The following WDR19 variants were observed in gnomAD, a reference collection of about 807,000 sequenced individuals.
The protein encoded by WDR19 is WD repeat-containing protein 19.
Under a neutral mutation model 180.0 loss-of-function variants are expected in WDR19, and 121 were observed. The ratio of observed to expected loss-of-function variants is 0.67; its 90% CI spans 0.58 to 0.78. The LOEUF is 0.78. WDR19 is among the 30% of genes least tolerant of loss of function. The pLI is 0.00. For missense variants in WDR19, 1,450 were observed against 1,640.7 expected (o/e 0.88, Z 2.01); for synonymous variants, 497 against 540.7 (o/e 0.92, Z 1.12).
chr4:39,232,904 A>T (rs1238275042), intron 19 of WDR19, among the ~76,000 whole-genome samples: 1 of 152,168 alleles, frequency 6.6e-6, no homozygotes, highest in African/African-American at 2.4e-5. Flanking sequence ...CATTTTGTGG[A>T]GGTATAAAAT....
rs1406503331 is a variant in WDR19, at chr4:39,270,109, C to A, written c.3483+9C>A. 6.2e-7 allele frequency: 1 copy of A among 1,613,254 alleles called. No homozygotes were observed. Among genetic ancestry groups the A allele is most frequent in the Non-Finnish European group, 8.5e-7 (1 of 1,179,632 alleles). ...GCTATATACTAGTAAAGGTGAGGCC[C>A]ATGGAGTGACTTGGGACATAACCTG... On this transcript the variant is annotated intron_variant, in intron 31 of 36. Transcript: ENST00000399820.
intron 24 of WDR19, 108 bp from the exon 25 acceptor site, chr4:39,253,038 A>G (rs1015016120): frequency 1.8e-6 from 2 of 1,086,436 alleles, no homozygotes; most frequent in Non-Finnish European, 2.5e-6. Context: ...TTCAGGAAAA[A>G]TAAGCAGTCA....
intron 1 of WDR19, among the ~76,000 whole-genome samples, chr4:39,184,046 T>C (rs925566454): frequency 1.3e-5 from 2 of 152,190 alleles, no homozygotes; most frequent in African/African-American, 4.8e-5. Context: ...TCTATAAAAC[T>C]TTTATGTCCC....
At chr4:39,244,187 G>A (rs995346330) in intron 21 of WDR19, 61 bp from the exon 22 acceptor site, 1 of 1,577,462 alleles carries the variant, frequency 6.3e-7, no homozygotes, top group African/African-American at 1.3e-5. Context: ...TCATTGTTCT[G>A]TCTTAAACAC....
intron 9 of WDR19, among the ~76,000 whole-genome samples, chr4:39,210,507 ACC>A (rs1004278839): frequency 1.3e-5 from 2 of 151,996 alleles, no homozygotes; most frequent in African/African-American, 4.8e-5. Flanking sequence ...ATATAGCGAG[ACC>A]CCATCTCTAA....
Position 39,231,820 on chromosome 4 carries a change from G to C in WDR19, c.2006G>C (p.Cys669Ser). The change falls in exon 18 of 37, where the codon TGC becomes TCC. Residue 669 changes from cysteine (C) to serine (S), a missense_variant. Coordinates refer to ENST00000399820, the MANE Select transcript of WDR19 (RefSeq NM_025132.4). The stretch of plus-strand genomic sequence containing the variant: ...AGGTTTTCTGATGCTTGGGAAATGT[G>C]CAGGATTCTGAATGATGAGGCTGCC... ...LKRFSDAWEM[C>S]RILNDEAAWN... 7 of 1,595,280 alleles carry C rather than the reference G, an allele frequency of 4.4e-6. 1 individual carries two copies. The highest frequency in any genetic ancestry group is 6.0e-6 in the Non-Finnish European group (7 of 1,164,938).
Position 39,224,978 on chromosome 4 carries a change from A to T in WDR19, c.1574A>T (p.Asn525Ile). 6.3e-7 allele frequency: 1 copy of T among 1,577,384 alleles called. No homozygotes were observed. Among genetic ancestry groups the T allele is most frequent in the South Asian group, 1.2e-5 (1 of 85,014 alleles). ...VSVKKIFPDP[N>I]GTRLVFIDEK... ...GTGAAAAAGATTTTTCCCGACCCAA[A>T]TGGGACCAGATTAGTTTTCATTGAT... The change falls in exon 15 of 37, where the codon AAT (asparagine) becomes ATT (isoleucine). Residue 525 changes from asparagine to isoleucine, a missense_variant. Coordinates refer to ENST00000399820, the MANE Select transcript of WDR19 (RefSeq NM_025132.4).
intron 20 of WDR19, among the ~76,000 whole-genome samples, chr4:39,238,153 G>A (rs1731559941): frequency 6.6e-6 from 1 of 152,142 alleles, no homozygotes; most frequent in African/African-American, 2.4e-5. Context: ...GTGATAATAG[G>A]AACTAACCTA....
intron 4 of WDR19, 67 bp from the exon 5 acceptor site, chr4:39,194,476 CT>C (rs1726501900): frequency 2.0e-6 from 2 of 1,011,486 alleles, no homozygotes; most frequent in Non-Finnish European, 2.8e-6. Context: ...CCAAGGAGTA[CT>C]TTTTTAAAGG....
At chr4:39,255,764 T>A (rs1733685907) in intron 26 of WDR19, 84 bp from the exon 27 acceptor site, 2 of 640,012 alleles carry the variant, frequency 3.1e-6, no homozygotes, top group Non-Finnish European at 5.1e-6. Context: ...TTTAATCACC[T>A]ATTTTTAGAT....
At position 39,189,701 on chromosome 4, in the gene WDR19, A is replaced by G; in HGVS notation, c.210A>G (p.Ala70=). 2 of 1,612,156 alleles carry G rather than the reference A, an allele frequency of 1.2e-6. No homozygotes were observed. Among genetic ancestry groups the G allele is most frequent in the South Asian group, 1.1e-5 (1 of 90,462 alleles). Residue 70 remains alanine (A), a synonymous_variant, in exon 4 of 37, where the codon GCA becomes GCG. Transcript: ENST00000399820. The part of the protein sequence containing the change: ...MDWDKDGDVL[A]VIAEKSSCIY... ...GGGATAAAGATGGAGATGTCCTAGC[A>G]GTGATTGCTGAGAAATCTAGCTGCA...
At chr4:39,283,787 T>C (rs1364903962) in intron 36 of WDR19, among the ~76,000 whole-genome samples, 1 of 152,226 alleles carries the variant, frequency 6.6e-6, no homozygotes, top group Admixed American at 6.5e-5. Context: ...TATGGTATTA[T>C]TTCCTTTCAG....
chr4:39,246,706 A>G (rs1560534350), intron 24 of WDR19, among the ~76,000 whole-genome samples: 1 of 152,212 alleles, frequency 6.6e-6, no homozygotes, highest in Non-Finnish European at 1.5e-5. Context: ...AGGAGATTAT[A>G]TCCTGCACCT....
At chr4:39,270,206 C>A in intron 31 of WDR19, 106 bp downstream of exon 31, 1 of 1,433,292 alleles carries the variant, frequency 7.0e-7, no homozygotes, top group South Asian at 1.3e-5. Context: ...GTCTAGATGT[C>A]TGTATTGTTA....
At chr4:39,228,928 G>A (rs1730576623) in intron 17 of WDR19, among the ~76,000 whole-genome samples, 1 of 152,070 alleles carries the variant, frequency 6.6e-6, no homozygotes, top group African/African-American at 2.4e-5. Flanking sequence ...TACCCAGTGG[G>A]TAGTATTTTA....
chr4:39,272,181 A>C (rs1735440521), intron 31 of WDR19, among the ~76,000 whole-genome samples: 1 of 152,238 alleles, frequency 6.6e-6, no homozygotes, highest in African/African-American at 2.4e-5. Context: ...AGAATCTAAC[A>C]AAATGGAGTC....
chr4:39,234,110 A>G (rs550804367), intron 19 of WDR19, among the ~76,000 whole-genome samples: 1 of 152,334 alleles, frequency 6.6e-6, no homozygotes, highest in Non-Finnish European at 1.5e-5. Flanking sequence ...GGTAGTTGTG[A>G]AAGATAAATA....
chr4:39,203,652 G>T lies in WDR19; in HGVS notation c.533G>T (p.Arg178Ile). 1 of 1,612,412 alleles carries T rather than the reference G, an allele frequency of 6.2e-7. No homozygotes were observed. The highest frequency in any genetic ancestry group is 8.5e-7 in the Non-Finnish European group (1 of 1,179,302). The stretch of plus-strand genomic sequence containing the variant: ...TTTTTACTCCTTTAGACACAAGTGA[G>T]ATCAGAGCCTAGCAACATGCAGTTT... ...EGDTIRQTQVRSEPSNMQFFL... is the reference protein window; with the variant it reads ...EGDTIRQTQVISEPSNMQFFL... Residue 178 changes from arginine to isoleucine, a missense_variant, in exon 7 of 37, where the codon AGA (arginine) becomes ATA (isoleucine). Arg to Ile is a moderately conservative substitution (Grantham distance 97). Coordinates refer to ENST00000399820, the MANE Select transcript of WDR19 (RefSeq NM_025132.4).
intron 36 of WDR19, among the ~76,000 whole-genome samples, chr4:39,281,727 G>A (rs188933027): frequency 1.3e-5 from 2 of 152,274 alleles, no homozygotes; most frequent in African/African-American, 4.8e-5. Context: ...CAATTTCTAT[G>A]GTTATGGGTC....
Sources: allele counts gnomAD v4.1 joint callset (sites outside exome capture counted in the v4.1 genomes callset), GRCh38; gene constraint gnomAD v4.1.1; transcripts MANE v1.5; gene names NCBI Gene and HGNC (gene_info 2026-07-23, HGNC 2026-07-21).